Variants in KCNB2 observed in about 807,000 individuals in gnomAD.
KCNB2 encodes the protein potassium voltage-gated channel subfamily B member 2.
KCNB2 carries 15 observed loss-of-function variants against 61.5 expected under a neutral mutation model. That is an observed-to-expected ratio of 0.24 (90% CI 0.16 to 0.38). The LOEUF is 0.38. Among genes scored for constraint, KCNB2 ranks in the 10% least tolerant of loss-of-function variants. KCNB2 has a pLI of 1.00. For missense variants in KCNB2, 828 were observed against 1,125.2 expected (o/e 0.74, Z 3.78); for synonymous variants, 457 against 446.0 (o/e 1.02, Z -0.31).
chr8:72,874,477 G>A (rs917522955), intron 2 of KCNB2, among the ~76,000 whole-genome samples: 1 of 152,120 alleles, frequency 6.6e-6, no homozygotes, highest in Non-Finnish European at 1.5e-5. Flanking sequence ...AAGGCCTTCT[G>A]CAATAAAGCT....
chr8:72,838,674 AT>A, intron 2 of KCNB2, among the ~76,000 whole-genome samples: 1 of 152,158 alleles, frequency 6.6e-6, no homozygotes, highest in Non-Finnish European at 1.5e-5. Flanking sequence ...CTAGATCCTG[AT>A]ATGGTAGGTT....
chr8:72,545,990 T>C (rs112132900), intron 1 of KCNB2, among the ~76,000 whole-genome samples: 7 of 152,288 alleles, frequency 4.6e-5, no homozygotes, highest in African/African-American at 1.7e-4. Context: ...CTCTCTTCAA[T>C]TCCATGAAGG....
rs869160203 is a variant in KCNB2 at position 72,597,001 on chromosome 8, C to CTTTTTTTTTTTTTTTTTTTTTTTT, written c.579+28706_579+28729dup. ...GCATGCTTGCTTGCTTGCTTGCTTG[C>CTTTTTTTTTTTTTTTTTTTTTTTT]TTTTTTTTTTTTTTTTTTTTTTTTT... On this transcript the variant is annotated intron_variant, in intron 2 of 2. Coordinates refer to ENST00000523207, the MANE Select transcript of KCNB2 (RefSeq NM_004770.3). Among the ~76,000 whole-genome samples, 7 of 64,658 alleles carry CTTTTTTTTTTTTTTTTTTTTTTTT rather than the reference C, an allele frequency of 1.1e-4. 1 individual carries two copies. The highest frequency in any genetic ancestry group is 3.6e-4 in the Admixed American group (2 of 5,604). The allele number at this position is 64,658 out of a possible 152,430, so 42.4% of individuals were successfully genotyped here.
intron 2 of KCNB2, among the ~76,000 whole-genome samples, chr8:72,610,937 A>G (rs962822786): frequency 6.6e-6 from 1 of 152,188 alleles, no homozygotes; most frequent in Non-Finnish European, 1.5e-5. Flanking sequence ...TTTTGTCTCC[A>G]ATCAGTAATG....
At chr8:72,753,163 T>C (rs567696213) in intron 2 of KCNB2, among the ~76,000 whole-genome samples, 10 of 152,192 alleles carry the variant, frequency 6.6e-5, no homozygotes, top group Non-Finnish European at 1.3e-4. Flanking sequence ...GTTGAATAGA[T>C]TTTTGTTGGT....
At chr8:72,806,513 G>A (rs1157891565) in intron 2 of KCNB2, among the ~76,000 whole-genome samples, 1 of 151,976 alleles carries the variant, frequency 6.6e-6, no homozygotes, top group Non-Finnish European at 1.5e-5. Context: ...TACTCAGGAG[G>A]CTGAGGCAGG....
intron 2 of KCNB2, among the ~76,000 whole-genome samples, chr8:72,849,685 CT>C (rs1158309668): frequency 6.6e-6 from 1 of 152,124 alleles, no homozygotes; most frequent in African/African-American, 2.4e-5. Flanking sequence ...GTCTTTATTG[CT>C]TTGGAGAAGA....
At chr8:72,798,054 A>T (rs1451951316) in intron 2 of KCNB2, among the ~76,000 whole-genome samples, 1 of 152,080 alleles carries the variant, frequency 6.6e-6, no homozygotes, top group Non-Finnish European at 1.5e-5. Flanking sequence ...CCTTCAAAGT[A>T]TTTTCATCAG....
At chr8:72,889,574 C>A (rs1805862431) in intron 2 of KCNB2, among the ~76,000 whole-genome samples, 1 of 151,944 alleles carries the variant, frequency 6.6e-6, no homozygotes, top group Non-Finnish European at 1.5e-5. Context: ...GTAATCCCAG[C>A]CACTCTGGAG....
intron 2 of KCNB2, among the ~76,000 whole-genome samples, chr8:72,928,891 T>C (rs956017126): frequency 5.9e-5 from 9 of 152,034 alleles, no homozygotes. Flanking sequence ...TTGAAAGTGT[T>C]AAAAATGAGC....
intron 2 of KCNB2, among the ~76,000 whole-genome samples, chr8:72,926,324 A>G (rs1028997280): frequency 4.8e-4 from 73 of 152,244 alleles, no homozygotes; most frequent in African/African-American, 1.7e-3. Context: ...ACTCTTTAAC[A>G]TGAGGAAATA....
intron 2 of KCNB2, among the ~76,000 whole-genome samples, chr8:72,741,928 A>G (rs1474357935): frequency 6.6e-6 from 1 of 152,236 alleles, no homozygotes; most frequent in Non-Finnish European, 1.5e-5. Flanking sequence ...GGAAAATAGT[A>G]TGGAGATTCC....
chr8:72,826,743 A>G (rs777407387), intron 2 of KCNB2, among the ~76,000 whole-genome samples: 3 of 152,224 alleles, frequency 2.0e-5, no homozygotes, highest in African/African-American at 7.2e-5. Context: ...AAGAAAATCC[A>G]TATTTTGAAA....
intron 2 of KCNB2, among the ~76,000 whole-genome samples, chr8:72,821,659 A>AAAAAACAC (rs1554535735): frequency 8.5e-6 from 1 of 117,006 alleles, no homozygotes; most frequent in Non-Finnish European, 1.7e-5. Context: ...AAAAAAAAAA[A>AAAAAACAC]ACACACACAC....
At chr8:72,718,379 G>T (rs530196688) in intron 2 of KCNB2, among the ~76,000 whole-genome samples, 2 of 152,250 alleles carry the variant, frequency 1.3e-5, no homozygotes, top group East Asian at 3.9e-4. Flanking sequence ...GTTTATTGCA[G>T]CATTATTCAC....
intron 2 of KCNB2, among the ~76,000 whole-genome samples, chr8:72,871,143 C>T (rs1468275164): frequency 1.3e-5 from 2 of 152,088 alleles, no homozygotes; most frequent in African/African-American, 4.8e-5. Flanking sequence ...TATCCACCTG[C>T]CAACCTCACA....
At chr8:72,669,392 A>G (rs1379562892) in intron 2 of KCNB2, among the ~76,000 whole-genome samples, 1 of 152,206 alleles carries the variant, frequency 6.6e-6, no homozygotes, top group East Asian at 1.9e-4. Flanking sequence ...AATATATTTA[A>G]CTAATGATGA....
At chr8:72,563,450 T>G (rs1806568240) in intron 1 of KCNB2, among the ~76,000 whole-genome samples, 1 of 152,142 alleles carries the variant, frequency 6.6e-6, no homozygotes, top group Non-Finnish European at 1.5e-5. Flanking sequence ...TGGAAGGTAT[T>G]TTCAGCCTAG....
At chr8:72,793,878 T>C (rs1202353167) in intron 2 of KCNB2, among the ~76,000 whole-genome samples, 2 of 152,250 alleles carry the variant, frequency 1.3e-5, no homozygotes, top group Non-Finnish European at 2.9e-5. Flanking sequence ...CTTAGTCATT[T>C]ATTCATCAGA....
Sources: gnomAD v4.1 joint callset for allele counts (sites outside exome capture counted in the v4.1 genomes callset) on GRCh38, gnomAD v4.1.1 for gene constraint, MANE v1.5 for transcripts, NCBI Gene and HGNC (gene_info 2026-07-23, HGNC 2026-07-21) for gene names.